Variants in SDK1 observed in about 807,000 individuals in gnomAD.
SDK1 encodes the protein protein sidekick-1.
SDK1 carries 157 observed loss-of-function variants against 245.5 expected under a neutral mutation model. The ratio of observed to expected loss-of-function variants is 0.64; its 90% CI spans 0.56 to 0.73. The LOEUF (loss-of-function observed/expected upper bound fraction) is 0.73. SDK1 is among the 30% of genes least tolerant of loss of function. The probability of loss-of-function intolerance (pLI) is 0.00; values close to 1 mark genes in which losing one functional copy is unlikely to be tolerated. For missense variants in SDK1, 3,583 were observed against 3,002.3 expected (o/e 1.19, Z -4.52); for synonymous variants, 1,647 against 1,278.5 (o/e 1.29, Z -6.15).
chr7:3,790,790 C>A (rs908705672), intron 4 of SDK1, among the ~76,000 whole-genome samples: 2 of 152,128 alleles, frequency 1.3e-5, no homozygotes, highest in Non-Finnish European at 2.9e-5. Context: ...AAGAGCGAAA[C>A]TGTCGCCAAA....
intron 6 of SDK1, 58 bp from the exon 7 acceptor site, chr7:3,951,672 G>T: frequency 6.6e-7 from 1 of 1,511,314 alleles, no homozygotes; most frequent in South Asian, 1.1e-5. Flanking sequence ...CTGAGATGAT[G>T]ACCGTTGCCA....
At chr7:3,623,952 G>A (rs1194558914) in intron 2 of SDK1, among the ~76,000 whole-genome samples, 2 of 152,084 alleles carry the variant, frequency 1.3e-5, no homozygotes, top group African/African-American at 4.8e-5. Flanking sequence ...AATGGTTAAG[G>A]GAAAGGTTAT....
chr7:3,990,145 T>G (rs1372469001), intron 14 of SDK1, among the ~76,000 whole-genome samples: 1 of 152,240 alleles, frequency 6.6e-6, no homozygotes, highest in African/African-American at 2.4e-5. Context: ...TTATTTGAGT[T>G]CTGCACCACG....
At chr7:3,801,092 G>C (rs999261382) in intron 4 of SDK1, among the ~76,000 whole-genome samples, 1 of 152,178 alleles carries the variant, frequency 6.6e-6, no homozygotes, top group African/African-American at 2.4e-5. Context: ...AAACTAGCCA[G>C]ACTAACCTGA....
At chr7:3,348,138 A>G (rs531888143) in intron 1 of SDK1, among the ~76,000 whole-genome samples, 2 of 152,312 alleles carry the variant, frequency 1.3e-5, no homozygotes, top group African/African-American at 4.8e-5. Context: ...CATCACAGAC[A>G]GCAAAGCTCA....
intron 2 of SDK1, among the ~76,000 whole-genome samples, chr7:3,633,038 A>G (rs1373543500): frequency 6.6e-6 from 1 of 152,232 alleles, no homozygotes; most frequent in Non-Finnish European, 1.5e-5. Flanking sequence ...TCCAAGAAGG[A>G]CATAAATGGC....
rs891207257 is a variant in SDK1 at position 4,026,555 on chromosome 7, C to T, written c.2602+9203C>T. Among the ~76,000 whole-genome samples, 1 of 152,138 alleles carries T rather than the reference C, an allele frequency of 6.6e-6. No individual in the cohort carries two copies. The highest frequency in any genetic ancestry group is 1.5e-5 in the Non-Finnish European group (1 of 68,040). Reference sequence around the variant, plus strand: ...CCAAACACTGGCCCCAAATGCTTCTCTTCAATGCCTGGCAAGTAAAGATTT... The same window carrying T: ...CCAAACACTGGCCCCAAATGCTTCTTTTCAATGCCTGGCAAGTAAAGATTT... On this transcript the variant is annotated intron_variant, in intron 17 of 44. Transcript: ENST00000404826. This position sits in a 1 kb window ranked among gnomAD's most constrained non-coding sequence, Gnocchi z 4.1.
chr7:3,315,330 C>G (rs376154266), intron 1 of SDK1, among the ~76,000 whole-genome samples: 1 of 152,088 alleles, frequency 6.6e-6, no homozygotes, highest in Non-Finnish European at 1.5e-5. Context: ...CCTTACAACC[C>G]TATTTTATAG....
At position 3,868,273 on chromosome 7, in the gene SDK1, G is replaced by A. The variant is rs150771498; in HGVS notation, c.847+46690G>A. Among the ~76,000 whole-genome samples the A allele has an allele frequency of 7.1e-4, 108 of 152,230 alleles. 1 individual carries two copies. The highest frequency in any genetic ancestry group is 2.5e-3 in the African/African-American group (103 of 41,540). On this transcript the variant is annotated intron_variant, in intron 5 of 44. Transcript: ENST00000404826. The stretch of plus-strand genomic sequence containing the variant: ...AATCATTGATTCTGAAAAATGTGCC[G>A]CTTAGTTTATTCCAATGATTGGTAC...
At chr7:3,939,696 A>C (rs1438205582) in intron 5 of SDK1, among the ~76,000 whole-genome samples, 23 of 152,174 alleles carry the variant, frequency 1.5e-4, no homozygotes, top group Admixed American at 1.4e-3. Flanking sequence ...TGTATATCTG[A>C]GTCTCTTTAA....
intron 5 of SDK1, among the ~76,000 whole-genome samples, chr7:3,939,608 C>T (rs558130527): frequency 3.2e-4 from 49 of 152,164 alleles, no homozygotes; most frequent in African/African-American, 9.9e-4. Context: ...GCTGCCTGCA[C>T]GTCTTTCACT....
At chr7:4,065,693 T>TG (rs1779841263) in intron 19 of SDK1, among the ~76,000 whole-genome samples, 2 of 95,786 alleles carry the variant, frequency 2.1e-5, no homozygotes, top group Non-Finnish European at 3.9e-5. Flanking sequence ...GAGTGGTTGT[T>TG]GTTTTTTTTT....
At chr7:3,324,710 A>G (rs1779899300) in intron 1 of SDK1, among the ~76,000 whole-genome samples, 1 of 152,206 alleles carries the variant, frequency 6.6e-6, no homozygotes, top group South Asian at 2.1e-4. Flanking sequence ...ACTGTTCTTT[A>G]GAAAAGTCAT....
At chr7:4,190,926 C>T (rs1478597533) in intron 35 of SDK1, among the ~76,000 whole-genome samples, 1 of 152,188 alleles carries the variant, frequency 6.6e-6, no homozygotes, top group African/African-American at 2.4e-5. Context: ...AGGCTCCTTG[C>T]CCACAGGTGC....
intron 1 of SDK1, among the ~76,000 whole-genome samples, chr7:3,533,808 AT>A (rs1158808493): frequency 6.7e-6 from 1 of 150,086 alleles, no homozygotes; most frequent in Non-Finnish European, 1.5e-5. Context: ...TTTCACGATA[AT>A]TTTTTCTTAG....
At position 3,465,567 on chromosome 7, in the gene SDK1, C is replaced by A. The variant is rs1780972739; in HGVS notation, c.299-153513C>A. ...TTTGCACTGCTCTCATTGCTAGGTT[C>A]ATATACTGTTGGGTGATGGGTGGGA... On this transcript the variant is annotated intron_variant, in intron 1 of 44. Coordinates refer to ENST00000404826, the MANE Select transcript of SDK1 (RefSeq NM_152744.4). 2.6e-5 allele frequency among the ~76,000 whole-genome samples: 4 copies of A among 152,142 alleles called. No homozygotes were observed. The South Asian group carries it at 8.3e-4, about 32-fold the overall frequency.
intron 25 of SDK1, among the ~76,000 whole-genome samples, chr7:4,118,606 T>TGGCTCACTGCAAC (rs1554347672): frequency 6.6e-6 from 1 of 150,654 alleles, no homozygotes. Flanking sequence ...AAAACATATG[T>TGGCTCACTGCAAC]CTACACAAAA....
intron 4 of SDK1, among the ~76,000 whole-genome samples, chr7:3,687,615 G>C (rs997805862): frequency 1.3e-5 from 2 of 152,158 alleles, no homozygotes; most frequent in African/African-American, 4.8e-5. Flanking sequence ...AAAAAATTCA[G>C]TCCCAAGAGA....
intron 1 of SDK1, among the ~76,000 whole-genome samples, chr7:3,312,349 C>T (rs1170229586): frequency 6.6e-6 from 1 of 151,832 alleles, no homozygotes; most frequent in African/African-American, 2.4e-5. Context: ...CAAAAATTGC[C>T]CAGCTACACA....
Sources: allele counts gnomAD v4.1 joint callset (sites outside exome capture counted in the v4.1 genomes callset), GRCh38; gene constraint gnomAD v4.1.1; non-coding constraint Gnocchi (gnomAD v3.1); transcripts MANE v1.5; gene names NCBI Gene and HGNC (gene_info 2026-07-23, HGNC 2026-07-21).